The following BORCS5 variants were observed in gnomAD, a reference collection of about 807,000 sequenced individuals.
The protein encoded by BORCS5 is BLOC-1 related complex subunit 5, also known as BLOC-1-related complex subunit 5.
BORCS5 carries 17 observed loss-of-function variants against 22.1 expected under a neutral mutation model. The observed-to-expected ratio is 0.77, with a 90% CI of 0.53 to 1.15. The LOEUF is 1.15. Among genes scored for constraint, BORCS5 ranks in the 50% most tolerant of loss-of-function variants. The pLI, the probability that BORCS5 is intolerant of heterozygous loss-of-function variation, is 0.00. For missense variants in BORCS5, 247 were observed against 253.2 expected (o/e 0.98, Z 0.17); for synonymous variants, 117 against 99.8 (o/e 1.17, Z -1.03).
At chr12:12,462,596 G>A (rs1231701801) in intron 3 of BORCS5, among the ~76,000 whole-genome samples, 2 of 152,166 alleles carry the variant, frequency 1.3e-5, no homozygotes, top group Admixed American at 6.5e-5. Context: ...AAACAGCTTC[G>A]TGGTTGCCCT....
chr12:12,408,517 C>A (rs1435333423), intron 2 of BORCS5, among the ~76,000 whole-genome samples: 1 of 152,190 alleles, frequency 6.6e-6, no homozygotes, highest in Non-Finnish European at 1.5e-5. Context: ...TTTCATCTTG[C>A]AAACCTGAAA....
intron 2 of BORCS5, among the ~76,000 whole-genome samples, chr12:12,414,227 C>T (rs1365113331): frequency 1.2e-5 from 1 of 85,368 alleles, no homozygotes; most frequent in African/African-American, 4.9e-5. Context: ...CCACCTCCCT[C>T]CCGGACGGGG....
intron 2 of BORCS5, among the ~76,000 whole-genome samples, chr12:12,409,328 G>A (rs867625237): frequency 1.1e-4 from 17 of 151,944 alleles, no homozygotes; most frequent in South Asian, 4.2e-4. Flanking sequence ...CCATTAACTC[G>A]TCATTTAGCA....
At position 12,468,052 on chromosome 12, in the gene BORCS5, G is replaced by A. The variant is rs1943230929; in HGVS notation, c.*2276G>A. On this transcript the variant is annotated 3_prime_UTR_variant, in exon 4 of 4. Coordinates refer to ENST00000314565, the MANE Select transcript of BORCS5 (RefSeq NM_058169.6). The stretch of plus-strand genomic sequence containing the variant: ...GCACGGGCTCTGATGAGAGACAGGT[G>A]CAGGTCCCAGCTTGTGGCTTGCAGG... 1 of 152,240 alleles carries A rather than the reference G, an allele frequency of 6.6e-6. No homozygotes were observed. Among genetic ancestry groups the A allele is most frequent in the Non-Finnish European group, 1.5e-5 (1 of 68,058 alleles). The allele number at this position is 152,240 out of a possible 1,614,324, so 9.4% of individuals were successfully genotyped here.
At chr12:12,396,604 A>G (rs971742382) in intron 2 of BORCS5, among the ~76,000 whole-genome samples, 1 of 152,022 alleles carries the variant, frequency 6.6e-6, no homozygotes, top group East Asian at 1.9e-4. Flanking sequence ...AATGTTTTCT[A>G]GAGGGTACGC....
chr12:12,435,273 A>T (rs901037984), intron 2 of BORCS5, among the ~76,000 whole-genome samples: 2 of 152,214 alleles, frequency 1.3e-5, no homozygotes, highest in African/African-American at 4.8e-5. Flanking sequence ...AAGTGATGTG[A>T]TAAGGTCAGG....
Position 12,381,958 on chromosome 12 carries a change from G to A in BORCS5, c.202+20609G>A, listed in dbSNP as rs1298078753. ...CATTTGTTTTGAGGATATGTTGCTG[G>A]TGTGGATACATTTAGAATTATTATA... On this transcript the variant is annotated intron_variant, in intron 2 of 3. Transcript: ENST00000314565. Among the ~76,000 whole-genome samples, 4 of 151,266 alleles carry A rather than the reference G, an allele frequency of 2.6e-5. No homozygotes were observed. The East Asian group carries it at 7.7e-4, about 29-fold the overall frequency.
chr12:12,461,309 C>A lies in BORCS5; in HGVS notation c.361-4237C>A, dbSNP rs1002575065. 7.2e-4 allele frequency among the ~76,000 whole-genome samples: 109 copies of A among 152,040 alleles called. 1 individual carries two copies. The highest frequency in any genetic ancestry group is 2.6e-3 in the African/African-American group (108 of 41,478). On this transcript the variant is annotated intron_variant, in intron 3 of 3. Coordinates refer to ENST00000314565, the MANE Select transcript of BORCS5 (RefSeq NM_058169.6). ...TCAGCCTCTGGAGCAGGTGGGACTA[C>A]AGGTGTGTTCCATCACACCTGGCTA...
intron 2 of BORCS5, among the ~76,000 whole-genome samples, chr12:12,371,613 A>G (rs1254405919): frequency 6.6e-6 from 1 of 152,156 alleles, no homozygotes; most frequent in Non-Finnish European, 1.5e-5. Flanking sequence ...TATATATTGA[A>G]AATGACAAGT....
In BORCS5 at chr12:12,421,480, A is replaced by ATGT. The variant is rs930172876; in HGVS notation, c.203-14146_203-14144dup. Reference sequence around the variant, plus strand: ...TATTTTATTGAGGATTTTCGCATCGATGTTCATCAGGGATATTGGTCTAAA... The same window carrying ATGT: ...TATTTTATTGAGGATTTTCGCATCGATGTTGTTCATCAGGGATATTGGTCTAAA... On this transcript the variant is annotated intron_variant, in intron 2 of 3. Transcript: ENST00000314565. 3.9e-4 allele frequency among the ~76,000 whole-genome samples: 60 copies of ATGT among 152,144 alleles called. 1 individual carries two copies. Among genetic ancestry groups the ATGT allele is most frequent in the Non-Finnish European group, 7.3e-5 (5 of 68,032 alleles).
intron 2 of BORCS5, among the ~76,000 whole-genome samples, chr12:12,405,729 C>A (rs1941581869): frequency 6.6e-6 from 1 of 151,992 alleles, no homozygotes; most frequent in Non-Finnish European, 1.5e-5. Flanking sequence ...TATTGTTTTC[C>A]AAAGGATTTT....
chr12:12,452,993 T>C (rs1404951173), intron 3 of BORCS5, among the ~76,000 whole-genome samples: 1 of 152,158 alleles, frequency 6.6e-6, no homozygotes, highest in Non-Finnish European at 1.5e-5. Context: ...CTCCTACTCT[T>C]CGGAGTGGAG....
intron 3 of BORCS5, among the ~76,000 whole-genome samples, chr12:12,449,400 T>C (rs1942860538): frequency 6.6e-6 from 1 of 152,228 alleles, no homozygotes; most frequent in Non-Finnish European, 1.5e-5. Context: ...TGTTTTTCTT[T>C]TCCTGGTTTG....
chr12:12,416,062 G>C (rs971717130), intron 2 of BORCS5, among the ~76,000 whole-genome samples: 2 of 152,094 alleles, frequency 1.3e-5, no homozygotes, highest in African/African-American at 4.8e-5. Flanking sequence ...TTCTAGTTCT[G>C]TGTTTCTAGG....
intron 2 of BORCS5, among the ~76,000 whole-genome samples, chr12:12,389,115 T>C (rs113082844): frequency 0.019 from 2,855 of 148,482 alleles, 118 homozygotes; most frequent in South Asian, 0.035. Flanking sequence ...GTTTTTCCCC[T>C]AGGTCCTTAC....
intron 3 of BORCS5, among the ~76,000 whole-genome samples, chr12:12,457,111 T>A (rs2136153987): frequency 6.6e-6 from 1 of 152,362 alleles, no homozygotes; most frequent in African/African-American, 2.4e-5. Context: ...ATATATTTTA[T>A]CACTTATGGA....
Position 12,420,996 on chromosome 12 carries a change from C to T in BORCS5, c.203-14632C>T, listed in dbSNP as rs995120808. Among the ~76,000 whole-genome samples, 7 of 152,334 alleles carry T rather than the reference C, an allele frequency of 4.6e-5. No individual in the cohort carries two copies. In the South Asian group the frequency reaches 1.2e-3, roughly 27 times the overall value. On this transcript the variant is annotated intron_variant, in intron 2 of 3. Transcript: ENST00000314565. ...AATATACAATCATGTCATCTGCAAA[C>T]AGGGACAATTTGACTTCCTCATTTC...
At chr12:12,409,701 T>G (rs1366306624) in intron 2 of BORCS5, among the ~76,000 whole-genome samples, 1 of 152,208 alleles carries the variant, frequency 6.6e-6, no homozygotes, top group African/African-American at 2.4e-5. Context: ...CGTGTTCATG[T>G]GTCTTTATAG....
At chr12:12,460,599 CTG>C (rs1227323329) in intron 3 of BORCS5, among the ~76,000 whole-genome samples, 18 of 152,166 alleles carry the variant, frequency 1.2e-4, no homozygotes, top group Admixed American at 6.5e-4. Context: ...TCACCAATAA[CTG>C]TATTGTCAGC....
Sources: allele counts gnomAD v4.1 joint callset (sites outside exome capture counted in the v4.1 genomes callset), GRCh38; gene constraint gnomAD v4.1.1; transcripts MANE v1.5; gene names NCBI Gene and HGNC (gene_info 2026-07-23, HGNC 2026-07-21).